PPL: variants seen among roughly 807,000 people sequenced by gnomAD.
PPL encodes periplakin, also known as 190 kDa paraneoplastic pemphigus antigen.
PPL carries 198 observed loss-of-function variants against 194.4 expected under a neutral mutation model. The ratio of observed to expected loss-of-function variants is 1.02; its 90% CI spans 0.91 to 1.15. The LOEUF (loss-of-function observed/expected upper bound fraction) is 1.15, where lower values mean the gene tolerates loss of function less well. PPL is among the 50% of genes most tolerant of loss of function. The pLI is 0.00. For synonymous variants in PPL, 1,220 were observed against 972.4 expected (o/e 1.25, Z -4.74); for missense variants, 2,885 against 2,294.8 (o/e 1.26, Z -5.25).
intron 1 of PPL, among the ~76,000 whole-genome samples, chr16:4,935,583 G>A (rs543017020): frequency 6.7e-4 from 102 of 152,212 alleles, no homozygotes; most frequent in Non-Finnish European, 9.9e-4. Context: ...TAGGGGAGGG[G>A]TGGGGAAATC....
chr16:4,906,670 C>A (rs1462137120), intron 2 of PPL, among the ~76,000 whole-genome samples: 1 of 152,208 alleles, frequency 6.6e-6, no homozygotes, highest in South Asian at 2.1e-4. Flanking sequence ...TCTCAAAACA[C>A]TGGCTGAGAG....
At position 4,885,487 on chromosome 16, in the gene PPL, C is replaced by T. The variant is rs1364547563; in HGVS notation, c.3168G>A (p.Glu1056=). The change falls in exon 22 of 22, where the codon GAG becomes GAA. Residue 1056 remains glutamate, a synonymous_variant. Transcript: ENST00000345988. This position sits in a 1 kb window ranked among gnomAD's most constrained non-coding sequence, Gnocchi z 6.3. ...SRAQEKVTEK[E]VVKLQNDPQL... The stretch of plus-strand genomic sequence containing the variant: ...GGGGGTCATTCTGCAGTTTCACCAC[C>T]TCTTTCTCTGTGACCTTCTCCTGCG... 1.2e-6 allele frequency: 2 copies of T among 1,612,260 alleles called. No homozygotes were observed. Among genetic ancestry groups the T allele is most frequent in the African/African-American group, 1.3e-5 (1 of 74,994 alleles).
intron 2 of PPL, among the ~76,000 whole-genome samples, chr16:4,904,895 G>A (rs1205815184): frequency 1.3e-5 from 2 of 152,220 alleles, no homozygotes; most frequent in Non-Finnish European, 1.5e-5. Context: ...GGGATATCTG[G>A]AAGGGGCCGT....
At chr16:4,929,707 G>A (rs1461165055) in intron 1 of PPL, among the ~76,000 whole-genome samples, 1 of 152,122 alleles carries the variant, frequency 6.6e-6, no homozygotes, top group African/African-American at 2.4e-5. Flanking sequence ...TTTATTTAGA[G>A]ACAGGGTCTT....
chr16:4,890,150 T>G, intron 18 of PPL, 34 bp downstream of exon 18: 1 of 1,613,660 alleles, frequency 6.2e-7, no homozygotes, highest in South Asian at 1.1e-5. Flanking sequence ...CCCTTGCCAG[T>G]GTGTGCCTGG....
chr16:4,884,592 C>T lies in PPL; in HGVS notation c.4063G>A (p.Val1355Met), dbSNP rs766883867. Residue 1355 changes from valine to methionine, a missense_variant, in exon 22 of 22, where the codon GTG becomes ATG. Coordinates refer to ENST00000345988, the MANE Select transcript of PPL (RefSeq NM_002705.5). The surrounding 1 kb of genome is among the most constrained non-coding windows in gnomAD (Gnocchi z 5.7). ...RVKERVVQQE[V>M]VRYEEEPGLR... ...CCTGGCTCCTCCTCATACCTGACCACCTCCTGCTGCACCACCCTTTCCTTC... is the reference window on the plus strand; with the variant it reads ...CCTGGCTCCTCCTCATACCTGACCATCTCCTGCTGCACCACCCTTTCCTTC... 5 of 1,614,132 alleles carry T rather than the reference C, an allele frequency of 3.1e-6. No individual in the cohort carries two copies. The highest frequency in any genetic ancestry group is 4.5e-5 in the East Asian group (2 of 44,852).
Position 4,897,621 on chromosome 16 carries a change from C to CT in PPL, c.972+53dup, listed in dbSNP as rs2088457618. ...ACATGAGCCAGGTAGGCACTGAGCG[C>CT]TCTCAGAGAGTAGCACCCCCGGTGC... is the stretch of plus-strand genomic sequence containing the variant. On this transcript the variant is annotated intron_variant, in intron 9 of 21. Transcript: ENST00000345988. The CT allele has an allele frequency of 2.8e-6, 4 of 1,447,492 alleles. No individual in the cohort carries two copies. In the African/African-American group the frequency reaches 5.6e-5, roughly 20 times the overall value. 89.7% of individuals were successfully genotyped at this position (1,447,492 alleles called of 1,614,324 possible).
intron 9 of PPL, among the ~76,000 whole-genome samples, chr16:4,897,242 G>T (rs1174326053): frequency 1.3e-5 from 2 of 148,512 alleles, no homozygotes; most frequent in Non-Finnish European, 3.0e-5. Context: ...GGCTGAGGCA[G>T]GAGAATCACT....
chr16:4,893,181 C>T (rs761328740), intron 14 of PPL, 32 bp downstream of exon 14: 83 of 1,503,906 alleles, frequency 5.5e-5, no homozygotes, highest in Non-Finnish European at 6.8e-5. Context: ...AGGGCTCCCC[C>T]GGCCCCACCT....
intron 7 of PPL, 41 bp downstream of exon 7, chr16:4,899,182 G>A: frequency 1.2e-6 from 2 of 1,613,542 alleles, no homozygotes; most frequent in Non-Finnish European, 1.7e-6. Flanking sequence ...GCTCCTTCCA[G>A]GGCTGCCTCC....
intron 1 of PPL, 78 bp from the exon 2 acceptor site, chr16:4,911,027 T>TGGCTGGCCCC: frequency 8.1e-7 from 1 of 1,227,676 alleles, no homozygotes; most frequent in Non-Finnish European, 1.2e-6. Context: ...CCCCATCCTC[T>TGGCTGGCCCC]GGCTGGCCCC....
intron 2 of PPL, among the ~76,000 whole-genome samples, chr16:4,905,162 C>A (rs1020170953): frequency 6.6e-6 from 1 of 152,108 alleles, no homozygotes; most frequent in African/African-American, 2.4e-5. Context: ...AGCCGGCCGC[C>A]GGTCCCTTCC....
rs200556935 is a variant in PPL at position 4,890,744 on chromosome 16, G to A, written c.2146C>T (p.Gln716Ter). The change falls in exon 17 of 22, where the codon CAG (glutamine) becomes TAG (stop). Residue 716 changes from glutamine (Q) to a stop codon, truncating the protein, a stop_gained. Coordinates refer to ENST00000345988, the MANE Select transcript of PPL (RefSeq NM_002705.5). LOFTEE classifies it high-confidence loss of function. ...CACCCTCACCTGCGTTCCACCTGCT[G>A]GCGCAGGTTGTTGAAACGCTGGCCC... is the stretch of plus-strand genomic sequence containing the variant. ...KLGQRFNNLR[Q>*]QVERRAQSLQ... The A allele has an allele frequency of 6.2e-7, 1 of 1,607,596 alleles. No homozygotes were observed. The highest frequency in any genetic ancestry group is 8.5e-7 in the Non-Finnish European group (1 of 1,177,632).
Position 4,890,269 on chromosome 16 carries a change from A to T in PPL, c.2228T>A (p.Leu743Gln). 1 of 1,614,220 alleles carries T rather than the reference A, an allele frequency of 6.2e-7. No individual in the cohort carries two copies. Among genetic ancestry groups the T allele is most frequent in the Non-Finnish European group, 8.5e-7 (1 of 1,180,032 alleles). Residue 743 changes from leucine (L) to glutamine (Q), a missense_variant, in exon 18 of 22, where the codon CTG becomes CAG. Leu to Gln is a moderately radical substitution (Grantham distance 113, BLOSUM62 -2). Coordinates refer to ENST00000345988, the MANE Select transcript of PPL (RefSeq NM_002705.5). ...ACTGGGGATGCTGACTAGGAACTGC[A>T]GCACGTGGTCATGGCCGCGGTGGAA... ...EHFHRGHDHV[L>Q]QFLVSIPSYE...
At chr16:4,910,317 T>C (rs939575929) in intron 2 of PPL, among the ~76,000 whole-genome samples, 9 of 152,342 alleles carry the variant, frequency 5.9e-5, no homozygotes, top group Non-Finnish European at 1.3e-4. Flanking sequence ...ATAATAGCCC[T>C]GTCCTATACC....
chr16:4,922,957 T>C (rs568050963), intron 1 of PPL, among the ~76,000 whole-genome samples: 9 of 152,294 alleles, frequency 5.9e-5, no homozygotes, highest in African/African-American at 2.2e-4. Flanking sequence ...CAGGAGATCC[T>C]GCGTCCCAGA....
chr16:4,913,336 C>G (rs2142391482), intron 1 of PPL, among the ~76,000 whole-genome samples: 1 of 152,218 alleles, frequency 6.6e-6, no homozygotes, highest in Admixed American at 6.5e-5. Flanking sequence ...TGTGACTTGG[C>G]CCAGCTCCCT....
chr16:4,905,271 G>C (rs1427397597), intron 2 of PPL, among the ~76,000 whole-genome samples: 1 of 152,198 alleles, frequency 6.6e-6, no homozygotes, highest in African/African-American at 2.4e-5. Context: ...CAAAGAGCAG[G>C]AACTACGGAC....
chr16:4,895,642 A>T lies in PPL; in HGVS notation c.1047T>A (p.Pro349=), dbSNP rs150533008. 27 of 1,613,976 alleles carry T rather than the reference A, an allele frequency of 1.7e-5. No homozygotes were observed. Among genetic ancestry groups the T allele is most frequent in the Non-Finnish European group, 2.2e-5 (26 of 1,180,034 alleles). ...CAATCTGGTACCGGTCCTTGAAGTC[A>T]GGGCCATACTTCTGGTTCAGGTCCG... The part of the protein sequence containing the change: ...VDSDLNQKYG[P]DFKDRYQIEL... Residue 349 remains proline, a synonymous_variant, in exon 10 of 22, where the codon CCT becomes CCA. Transcript: ENST00000345988.
Sources: gnomAD v4.1 joint callset for allele counts (sites outside exome capture counted in the v4.1 genomes callset) on GRCh38, gnomAD v4.1.1 for gene constraint, Gnocchi (gnomAD v3.1) non-coding constraint, MANE v1.5 for transcripts, NCBI Gene and HGNC (gene_info 2026-07-23, HGNC 2026-07-21) for gene names.